The following WDR75 variants were observed in gnomAD, a reference collection of about 807,000 sequenced individuals.
WDR75 encodes WD repeat domain 75, also known as WD repeat-containing protein 75.
Under a neutral mutation model 106.1 loss-of-function variants are expected in WDR75, and 52 were observed. That is an observed-to-expected ratio of 0.49 (90% CI 0.39 to 0.62). The LOEUF is 0.62. Among genes scored for constraint, WDR75 ranks in the 20% least tolerant of loss-of-function variants. The pLI is 0.00. For synonymous variants in WDR75, 333 were observed against 335.5 expected (o/e 0.99, Z 0.08); for missense variants, 905 against 970.3 (o/e 0.93, Z 0.89).
intron 8 of WDR75, among the ~76,000 whole-genome samples, 187 bp from the exon 9 acceptor site, chr2:189,462,296 GA>G (rs1049009537): frequency 9.2e-5 from 14 of 151,788 alleles, no homozygotes; most frequent in African/African-American, 2.9e-4. Context: ...GATATCACTG[GA>G]AAAAAAATTC....
At chr2:189,468,733 T>C (rs1408599135) in intron 15 of WDR75, among the ~76,000 whole-genome samples, 164 bp downstream of exon 15, 2 of 152,202 alleles carry the variant, frequency 1.3e-5, no homozygotes, top group Non-Finnish European at 2.9e-5. Flanking sequence ...ACTGGGCCTG[T>C]AATAGACATT....
In WDR75 at chr2:189,462,582, A is replaced by G. The variant is rs774440102; in HGVS notation, c.877A>G (p.Ile293Val). 31 of 1,613,958 alleles carry G rather than the reference A, an allele frequency of 1.9e-5. 1 individual carries two copies. In the Admixed American group the frequency reaches 3.0e-4, roughly 16 times the overall value. Residue 293 changes from isoleucine (I) to valine (V), a missense_variant, in exon 9 of 21, where the codon ATT (isoleucine) becomes GTT (valine). Physicochemically the swap from Ile to Val is conservative, Grantham distance 29. Coordinates refer to ENST00000314761, the MANE Select transcript of WDR75 (RefSeq NM_032168.3). ...KEFLPRLGAT[I>V]EHISVSPAGD... ...GTTTCTCCCGCGTTTAGGAGCTACT[A>G]TTGAACATATCTCAGTCTCGCCTGC...
At chr2:189,474,897 G>A in intron 20 of WDR75, 89 bp downstream of exon 20, 1 of 1,051,512 alleles carries the variant, frequency 9.5e-7, no homozygotes, top group South Asian at 1.4e-5. Flanking sequence ...TTCTTCCACT[G>A]TATTTCTTTT....
intron 12 of WDR75, among the ~76,000 whole-genome samples, chr2:189,465,623 G>A (rs1686984298): frequency 6.6e-6 from 1 of 152,090 alleles, no homozygotes; most frequent in Non-Finnish European, 1.5e-5. Context: ...AATGTAGCAT[G>A]GATGTTGTGA....
intron 4 of WDR75, among the ~76,000 whole-genome samples, chr2:189,452,257 C>CATAGAAAATTGGTTG (rs1686638732): frequency 6.6e-6 from 1 of 152,056 alleles, no homozygotes; most frequent in Non-Finnish European, 1.5e-5. Flanking sequence ...GTGGAAATGG[C>CATAGAAAATTGGTTG]ATAGAAAATT....
Position 189,462,608 on chromosome 2 carries a change from A to G in WDR75, c.903A>G (p.Ala301=), listed in dbSNP as rs756879673. ...ATIEHISVSP[A]GDLFCTSHSD... ...TTGAACATATCTCAGTCTCGCCTGC[A>G]GGAGATTTATTCTGCACTTCTCACT... The change falls in exon 9 of 21, where the codon GCA becomes GCG. Residue 301 remains alanine, a synonymous_variant. Transcript: ENST00000314761. 1.9e-6 allele frequency: 3 copies of G among 1,614,040 alleles called. No individual in the cohort carries two copies. Among genetic ancestry groups the G allele is most frequent in the South Asian group, 2.2e-5 (2 of 91,082 alleles).
chr2:189,447,656 A>G (rs1322426910), intron 1 of WDR75, among the ~76,000 whole-genome samples: 1 of 152,208 alleles, frequency 6.6e-6, no homozygotes, highest in Non-Finnish European at 1.5e-5. Context: ...TCTGTCTACA[A>G]ACAGTCAAGA....
At position 189,465,773 on chromosome 2, in the gene WDR75, A is replaced by G. The variant is rs140596595; in HGVS notation, c.1289+519A>G. Among the ~76,000 whole-genome samples the G allele has an allele frequency of 5.5e-4, 84 of 152,276 alleles. No individual in the cohort carries two copies. In the East Asian group the frequency reaches 0.015, roughly 27 times the overall value. ...ACACTGTAAGATAAGCCTGTTGTCTATATTTTATAGGTGAAGAAACAGGCC... is the reference window on the plus strand; with the variant it reads ...ACACTGTAAGATAAGCCTGTTGTCTGTATTTTATAGGTGAAGAAACAGGCC... On this transcript the variant is annotated intron_variant, in intron 12 of 20. Transcript: ENST00000314761.
rs750276688 is a variant in WDR75 at position 189,458,715 on chromosome 2, TTTAATAA to T, written c.570-33_570-27del. Reference sequence around the variant, plus strand: ...ACTACATCACCACTTATCAAGAGACTTTAATAATTAAGGGAATTTGTTTTTTTTTTCT... The same window carrying T: ...ACTACATCACCACTTATCAAGAGACTTTAAGGGAATTTGTTTTTTTTTTCT... On this transcript the variant is annotated intron_variant, in intron 6 of 20. Transcript: ENST00000314761. The T allele has an allele frequency of 6.0e-6, 9 of 1,493,602 alleles. No homozygotes were observed. The African/African-American group carries it at 8.5e-5, about 14-fold the overall frequency. The allele number at this position is 1,493,602 out of a possible 1,614,324, so 92.5% of individuals were successfully genotyped here.
chr2:189,466,420 G>A lies in WDR75; in HGVS notation c.1290-5G>A, dbSNP rs370050902. 50 of 1,610,722 alleles carry A rather than the reference G, an allele frequency of 3.1e-5. No individual in the cohort carries two copies. The highest frequency in any genetic ancestry group is 4.0e-5 in the African/African-American group (3 of 74,608). On this transcript the variant is annotated splice_polypyrimidine_tract_variant and splice_region_variant and intron_variant, in intron 12 of 20. Transcript: ENST00000314761. ...AGAATAAATTTGTGGTTTCCTTCCC[G>A]CTAGGTTTATTCTTAACACTAAAAT...
chr2:189,449,288 T>C, intron 2 of WDR75: 1 of 1,303,608 alleles, frequency 7.7e-7, no homozygotes, highest in African/African-American at 1.5e-5. Flanking sequence ...GGATTTGCAT[T>C]GCCATTCACT....
chr2:189,442,442 C>CT (rs1188214718), intron 1 of WDR75, among the ~76,000 whole-genome samples: 10,731 of 73,462 alleles, frequency 0.15, 3,208 homozygotes, highest in South Asian at 0.2. Context: ...CCACAATATT[C>CT]TTTTTTTTTT....
chr2:189,464,065 T>C (rs1285082860), intron 11 of WDR75, 104 bp downstream of exon 11: 3 of 928,364 alleles, frequency 3.2e-6, no homozygotes, highest in Non-Finnish European at 4.9e-6. Flanking sequence ...CCTGTGCATA[T>C]GTTTACTTGA....
At chr2:189,450,737 G>C (rs1290948889) in intron 2 of WDR75, 166 bp from the exon 3 acceptor site, 1 of 1,415,640 alleles carries the variant, frequency 7.1e-7, no homozygotes, top group African/African-American at 1.5e-5. Context: ...AGAAAGCTGT[G>C]AAAAGATTGT....
intron 11 of WDR75, among the ~76,000 whole-genome samples, chr2:189,464,614 A>AT (rs200421219): frequency 0.02 from 2,971 of 152,102 alleles, 97 homozygotes; most frequent in African/African-American, 0.068. Context: ...AGGAAATGGG[A>AT]TTTTTTTTAA....
chr2:189,455,497 A>G, intron 5 of WDR75, 53 bp downstream of exon 5: 1 of 1,576,190 alleles, frequency 6.3e-7, no homozygotes, highest in East Asian at 2.2e-5. Context: ...TCTTTCCTGC[A>G]ATCTCTCTTC....
intron 4 of WDR75, among the ~76,000 whole-genome samples, chr2:189,453,283 G>A (rs12693539): frequency 0.8 from 122,182 of 152,116 alleles, 50,533 homozygotes; most frequent in Non-Finnish European, 0.91. Flanking sequence ...CCTGACAGGT[G>A]GTTGATCACT....
At chr2:189,455,240 C>CAAAAAAAAAAA (rs5837143) in intron 4 of WDR75, 80 bp from the exon 5 acceptor site, 13 of 1,238,398 alleles carry the variant, frequency 1.0e-5, no homozygotes, top group East Asian at 8.5e-5. Context: ...GACTTTGCCT[C>CAAAAAAAAAAA]AAAAAAAAAA....
At chr2:189,458,010 G>A (rs185073951) in intron 6 of WDR75, among the ~76,000 whole-genome samples, 2 of 132,120 alleles carry the variant, frequency 1.5e-5, no homozygotes, top group East Asian at 2.4e-4. Context: ...TGTAACCTCC[G>A]CCTCCCGGGT....
Sources: allele counts gnomAD v4.1 joint callset (sites outside exome capture counted in the v4.1 genomes callset), GRCh38; gene constraint gnomAD v4.1.1; transcripts MANE v1.5; gene names NCBI Gene and HGNC (gene_info 2026-07-23, HGNC 2026-07-21).